The following USP25 variants were observed in gnomAD, a reference collection of about 807,000 sequenced individuals.
The protein encoded by USP25 is ubiquitin carboxyl-terminal hydrolase 25.
USP25 carries 85 observed loss-of-function variants against 158.5 expected under a neutral mutation model. That is an observed-to-expected ratio of 0.54 (90% CI 0.45 to 0.64). The LOEUF (loss-of-function observed/expected upper bound fraction) is 0.64, where lower values mean the gene tolerates loss of function less well. USP25 is among the 30% of genes least tolerant of loss of function. The pLI is 0.00. For missense variants in USP25, 1,242 were observed against 1,327.3 expected (o/e 0.94, Z 1.00); for synonymous variants, 464 against 460.4 (o/e 1.01, Z -0.10).
rs2038426787 is a variant in USP25 at position 15,843,307 on chromosome 21, G to T, written c.2337+767G>T. ...TTTGTGGTAGTTCCTTTTAATATTT[G>T]AAGATTCCCCTTGACAACTAAAAAG... On this transcript the variant is annotated intron_variant, in intron 18 of 25. Transcript: ENST00000400183. The surrounding 1 kb of genome is among the most constrained non-coding windows in gnomAD (Gnocchi z 4.0). Among the ~76,000 whole-genome samples the T allele has an allele frequency of 6.6e-6, 1 of 152,124 alleles. No homozygotes were observed. The highest frequency in any genetic ancestry group is 1.5e-5 in the Non-Finnish European group (1 of 68,012).
intron 1 of USP25, among the ~76,000 whole-genome samples, chr21:15,738,668 A>G (rs1181968031): frequency 6.6e-6 from 1 of 152,212 alleles, no homozygotes; most frequent in Non-Finnish European, 1.5e-5. Context: ...GTAAAAGATC[A>G]TATCATTAAG....
chr21:15,862,835 AAAG>A (rs2039489144), intron 20 of USP25, among the ~76,000 whole-genome samples: 1 of 148,410 alleles, frequency 6.7e-6, no homozygotes, highest in African/African-American at 2.5e-5. Flanking sequence ...TGCTGCATAG[AAAG>A]AACATATTAG....
chr21:15,759,104 C>G (rs1378160674), intron 1 of USP25, among the ~76,000 whole-genome samples: 1 of 151,962 alleles, frequency 6.6e-6, no homozygotes, highest in African/African-American at 2.4e-5. Context: ...ATTTGGAGTG[C>G]TGGTAGCAGT....
At chr21:15,756,141 T>A (rs963158711) in intron 1 of USP25, among the ~76,000 whole-genome samples, 3 of 152,210 alleles carry the variant, frequency 2.0e-5, no homozygotes, top group South Asian at 4.1e-4. Flanking sequence ...CCCAGGTGCA[T>A]GGCAATTTTT....
rs753124109 is a variant in USP25 at position 15,805,124 on chromosome 21, C to A, written c.646C>A (p.His216Asn). 6.3e-7 allele frequency: 1 copy of A among 1,582,526 alleles called. No individual in the cohort carries two copies. The highest frequency in any genetic ancestry group is 1.2e-5 in the South Asian group (1 of 84,768). Residue 216 changes from histidine (H) to asparagine (N), a missense_variant, in exon 7 of 26, where the codon CAT becomes AAT. His to Asn is a moderately conservative substitution (Grantham distance 68, BLOSUM62 1). This residue lies in a region of USP25 where 627 missense variants were observed against 701.4 expected (regional missense o/e 0.89). Coordinates refer to ENST00000400183, the MANE Select transcript of USP25 (RefSeq NM_001283041.3). ...TTTTGTTTTTTTCCTTCAATAGGAA[C>A]ATCGGAATTTGCCTTTTATGCGTGA... Reference protein sequence around the residue: ...AQDLPRNQKEHRNLPFMRELR... With the variant: ...AQDLPRNQKENRNLPFMRELR...
chr21:15,759,571 A>G (rs895149476), intron 1 of USP25, among the ~76,000 whole-genome samples: 5 of 152,180 alleles, frequency 3.3e-5, no homozygotes, highest in Admixed American at 6.5e-5. Flanking sequence ...CTGATTGGCA[A>G]TTGGTTGAGT....
intron 18 of USP25, among the ~76,000 whole-genome samples, chr21:15,845,950 C>T (rs2038564045): frequency 6.6e-6 from 1 of 151,430 alleles, no homozygotes; most frequent in African/African-American, 2.4e-5. Context: ...AGTACAATGA[C>T]TCATAGCTGT....
In USP25 at chr21:15,734,919, T is replaced by G. The variant is rs553057401; in HGVS notation, c.45+4481T>G. Among the ~76,000 whole-genome samples the G allele has an allele frequency of 9.5e-4, 144 of 152,312 alleles. 1 individual carries two copies. Among genetic ancestry groups the G allele is most frequent in the African/African-American group, 3.4e-3 (140 of 41,572 alleles). ...CCGTGTAAGGCGCTGTGCTGAGCCT[T>G]CTTACAAACTTTTTTCATTTAATCT... On this transcript the variant is annotated intron_variant, in intron 1 of 25. Transcript: ENST00000400183.
intron 1 of USP25, among the ~76,000 whole-genome samples, chr21:15,732,537 C>A (rs2031024824): frequency 6.6e-6 from 1 of 152,106 alleles, no homozygotes; most frequent in African/African-American, 2.4e-5. Context: ...TCTGTTTTTA[C>A]TCAGACACTT....
At chr21:15,762,815 A>G in intron 1 of USP25, 76 bp from the exon 2 acceptor site, 1 of 1,370,170 alleles carries the variant, frequency 7.3e-7, no homozygotes, top group Non-Finnish European at 1.0e-6. Flanking sequence ...TGGAAAACCA[A>G]AGGTGATTTG....
chr21:15,809,168 C>T (rs765703966), intron 8 of USP25, among the ~76,000 whole-genome samples: 13 of 152,078 alleles, frequency 8.5e-5, no homozygotes, highest in Non-Finnish European at 1.3e-4. Flanking sequence ...AGAAAGATGT[C>T]AGGAATGTGA....
intron 20 of USP25, among the ~76,000 whole-genome samples, chr21:15,862,438 C>G (rs2039466196): frequency 1.3e-5 from 2 of 151,998 alleles, no homozygotes; most frequent in African/African-American, 4.8e-5. Context: ...ATTAGGGATA[C>G]TCAACCTGTA....
At chr21:15,772,986 GA>G (rs78725665) in intron 3 of USP25, among the ~76,000 whole-genome samples, 42,624 of 149,852 alleles carry the variant, frequency 0.28, 6,677 homozygotes, top group African/African-American at 0.45. Flanking sequence ...GAAGATCATG[GA>G]AGAAAATTGT....
At chr21:15,794,988 A>T (rs1029500142) in intron 5 of USP25, among the ~76,000 whole-genome samples, 1 of 151,624 alleles carries the variant, frequency 6.6e-6, no homozygotes, top group South Asian at 2.1e-4. Flanking sequence ...ATGCTTATTC[A>T]TACTCCTTGC....
intron 1 of USP25, among the ~76,000 whole-genome samples, chr21:15,737,860 A>T (rs1226654233): frequency 1.3e-5 from 2 of 150,662 alleles, no homozygotes; most frequent in African/African-American, 4.9e-5. Context: ...CAGATTTTGG[A>T]ATATTTGTAT....
intron 3 of USP25, among the ~76,000 whole-genome samples, chr21:15,771,010 G>A (rs978173112): frequency 3.3e-5 from 5 of 152,082 alleles, no homozygotes; most frequent in African/African-American, 1.2e-4. Context: ...TAAAAGATAT[G>A]TTCTCATCTT....
chr21:15,730,864 A>G (rs1221835812), intron 1 of USP25, among the ~76,000 whole-genome samples: 1 of 151,864 alleles, frequency 6.6e-6, no homozygotes, highest in East Asian at 1.9e-4. Flanking sequence ...CTCCACCAAA[A>G]TCGAATTACC....
intron 17 of USP25, among the ~76,000 whole-genome samples, chr21:15,837,370 C>T (rs1213614287): frequency 6.7e-6 from 1 of 149,166 alleles, no homozygotes; most frequent in Non-Finnish European, 1.5e-5. Context: ...TACCTGAATA[C>T]TGTTGTTGAG....
intron 20 of USP25, among the ~76,000 whole-genome samples, chr21:15,859,089 T>C (rs537318452): frequency 1.3e-5 from 2 of 150,452 alleles, no homozygotes; most frequent in African/African-American, 4.8e-5. Flanking sequence ...ATCTATAGTT[T>C]CTTTCTTTAT....
Sources: gnomAD v4.1 joint callset for allele counts (sites outside exome capture counted in the v4.1 genomes callset) on GRCh38, gnomAD v4.1.1 for gene constraint, gnomAD v4.1.1 regional missense constraint, Gnocchi (gnomAD v3.1) non-coding constraint, MANE v1.5 for transcripts, NCBI Gene and HGNC (gene_info 2026-07-23, HGNC 2026-07-21) for gene names.